Variants in NFIB observed in about 807,000 individuals in gnomAD.
NFIB encodes nuclear factor I B.
Under a neutral mutation model 61.5 loss-of-function variants are expected in NFIB, and 11 were observed. The ratio of observed to expected loss-of-function variants is 0.18; its 90% CI spans 0.11 to 0.30. The LOEUF is 0.30. Ranked by LOEUF, NFIB falls within the 10% of genes least tolerant of loss-of-function variation. NFIB has a pLI of 1.00. For missense variants in NFIB, 471 were observed against 608.9 expected, an observed-to-expected ratio of 0.77 and a Z score of 2.38; for synonymous variants, 260 against 216.5, an observed-to-expected ratio of 1.20 and a Z score of -1.76.
chr9:14,446,951 C>T, the NFIB span, among the ~76,000 whole-genome samples: 1 of 151,956 alleles, frequency 6.6e-6, no homozygotes, highest in African/African-American at 2.4e-5. Flanking sequence ...ATAACATTTC[C>T]CCTGAAAATA....
chr9:14,265,378 C>T (rs551535602), intron 2 of NFIB, among the ~76,000 whole-genome samples: 1 of 152,114 alleles, frequency 6.6e-6, no homozygotes, highest in Non-Finnish European at 1.5e-5. Context: ...TACGTGACAT[C>T]ATAAGGGTGG....
At chr9:14,505,940 C>G in the NFIB span, among the ~76,000 whole-genome samples, 83 of 152,296 alleles carry the variant, frequency 5.4e-4, no homozygotes, top group Admixed American at 5.0e-3. Context: ...AGCCACTCTA[C>G]TAGAAGCCTG....
chr9:14,297,784 T>G (rs1320160264), intron 2 of NFIB, among the ~76,000 whole-genome samples: 1 of 152,230 alleles, frequency 6.6e-6, no homozygotes, highest in Non-Finnish European at 1.5e-5. Context: ...ATATTTAATC[T>G]GGCAAATATA....
At chr9:14,115,737 C>A (rs2038029778) in intron 9 of NFIB, among the ~76,000 whole-genome samples, 1 of 152,172 alleles carries the variant, frequency 6.6e-6, no homozygotes, top group South Asian at 2.1e-4. Context: ...AATGACATAA[C>A]CTACAATGAT....
chr9:14,374,811 G>A (rs576883772), intron 1 of NFIB, among the ~76,000 whole-genome samples: 2 of 152,084 alleles, frequency 1.3e-5, no homozygotes, highest in Non-Finnish European at 2.9e-5. Flanking sequence ...TCAGGAAGCT[G>A]AGGCAGGAAA....
chr9:14,103,633 C>T (rs1018400414), intron 10 of NFIB, among the ~76,000 whole-genome samples: 1 of 152,180 alleles, frequency 6.6e-6, no homozygotes, highest in Non-Finnish European at 1.5e-5. Context: ...AGCTTCTGCA[C>T]ACACTAAGTA....
At chr9:14,274,217 C>T (rs1322169284) in intron 2 of NFIB, among the ~76,000 whole-genome samples, 1 of 143,470 alleles carries the variant, frequency 7.0e-6, no homozygotes, top group Non-Finnish European at 1.5e-5. Flanking sequence ...CTCTCATGCT[C>T]TACCCCCTTT....
At chr9:14,340,345 A>G (rs76834323) in intron 1 of NFIB, among the ~76,000 whole-genome samples, 8,365 of 152,296 alleles carry the variant, frequency 0.055, 760 homozygotes, top group African/African-American at 0.19. Flanking sequence ...CTTAAACTAT[A>G]AATTAGAGTT....
the NFIB span, among the ~76,000 whole-genome samples, chr9:14,507,937 T>A: frequency 1.3e-5 from 2 of 148,668 alleles, no homozygotes; most frequent in African/African-American, 5.0e-5. Context: ...CAAAGAGGCA[T>A]AAACACACAC....
At chr9:14,185,643 T>G (rs920009799) in intron 2 of NFIB, among the ~76,000 whole-genome samples, 1 of 152,168 alleles carries the variant, frequency 6.6e-6, no homozygotes, top group Non-Finnish European at 1.5e-5. Context: ...TTAAGTCAAA[T>G]GAACAGAAAA....
chr9:14,275,676 T>C (rs936355889), intron 2 of NFIB, among the ~76,000 whole-genome samples: 2 of 152,148 alleles, frequency 1.3e-5, no homozygotes, highest in African/African-American at 4.8e-5. Context: ...CTATCCTATA[T>C]GGCATACTAA....
At chr9:14,229,763 T>C (rs1646761644) in intron 2 of NFIB, among the ~76,000 whole-genome samples, 1 of 152,188 alleles carries the variant, frequency 6.6e-6, no homozygotes, top group African/African-American at 2.4e-5. Context: ...GACCTCTCTC[T>C]GTTCCAGGCT....
intron 1 of NFIB, among the ~76,000 whole-genome samples, chr9:14,396,126 C>T (rs1401006500): frequency 1.3e-4 from 20 of 152,028 alleles, no homozygotes; most frequent in African/African-American, 3.9e-4. Context: ...TAATAGCTCT[C>T]GCAAAGCAGC....
chr9:14,384,178 G>A (rs967164483), intron 1 of NFIB, among the ~76,000 whole-genome samples: 7 of 152,130 alleles, frequency 4.6e-5, no homozygotes, highest in Non-Finnish European at 1.0e-4. Flanking sequence ...GACAGCTCCC[G>A]AAATCTCATC....
At chr9:14,109,813 A>G (rs2037076226) in intron 10 of NFIB, among the ~76,000 whole-genome samples, 1 of 152,098 alleles carries the variant, frequency 6.6e-6, no homozygotes, top group East Asian at 1.9e-4. Flanking sequence ...AGTCTCCAGG[A>G]CTATGTGAAT....
chr9:14,186,876 T>C (rs1344439827), intron 2 of NFIB, among the ~76,000 whole-genome samples: 3 of 152,140 alleles, frequency 2.0e-5, no homozygotes, highest in African/African-American at 2.4e-5. Flanking sequence ...ATTTTCTCTC[T>C]ATTAGATGTG....
chr9:14,083,737 A>T lies in NFIB; in HGVS notation c.*4572T>A, dbSNP rs1317899104. The T allele has an allele frequency of 4.4e-6, 1 of 225,178 alleles. No homozygotes were observed. Among genetic ancestry groups the T allele is most frequent in the African/African-American group, 2.2e-5 (1 of 44,844 alleles). The allele number at this position is 225,178 out of a possible 1,614,324, so 13.9% of individuals were successfully genotyped here. On this transcript the variant is annotated 3_prime_UTR_variant, in exon 11 of 11. Transcript: ENST00000380953. ...TAGAATTTGAATCTAGGTAAAGAAC[A>T]TGTCCTGCTGTCACACCGCTGAAGA... is the stretch of plus-strand genomic sequence containing the variant.
At chr9:14,341,746 T>C (rs2060953006) in intron 1 of NFIB, among the ~76,000 whole-genome samples, 1 of 152,180 alleles carries the variant, frequency 6.6e-6, no homozygotes. Context: ...GGCTCATCCA[T>C]GGCTCACGGG....
intron 6 of NFIB, among the ~76,000 whole-genome samples, chr9:14,143,281 T>C (rs2041949877): frequency 1.3e-5 from 2 of 152,172 alleles, no homozygotes; most frequent in Admixed American, 6.6e-5. Flanking sequence ...TATTATTACA[T>C]AAACCTAGAT....
Sources: allele counts gnomAD v4.1 joint callset (sites outside exome capture counted in the v4.1 genomes callset), GRCh38; gene constraint gnomAD v4.1.1; transcripts MANE v1.5; gene names NCBI Gene and HGNC (gene_info 2026-07-23, HGNC 2026-07-21).